CAMKMT: variants seen among roughly 807,000 people sequenced by gnomAD.
CAMKMT encodes CaM KMT.
A neutral mutation model predicts 48.0 loss-of-function variants in CAMKMT; 53 were observed. That is an observed-to-expected ratio of 1.10 (90% confidence interval 0.89 to 1.39). CAMKMT has a LOEUF of 1.39. CAMKMT is among the 40% of genes most tolerant of loss of function. The pLI is 0.00. For synonymous variants in CAMKMT, 165 were observed against 152.3 expected (o/e 1.08, Z -0.61); for missense variants, 428 against 402.7 (o/e 1.06, Z -0.54).
chr2:44,494,575 A>G (rs556615058), intron 3 of CAMKMT, among the ~76,000 whole-genome samples: 162 of 152,338 alleles, frequency 1.1e-3, no homozygotes, highest in Non-Finnish European at 1.8e-3. Flanking sequence ...CAGTGCTAAC[A>G]TGCAATTCAA....
At chr2:44,505,609 G>C (rs547303794) in intron 3 of CAMKMT, among the ~76,000 whole-genome samples, 11 of 152,120 alleles carry the variant, frequency 7.2e-5, no homozygotes, top group African/African-American at 2.7e-4. Flanking sequence ...CTGATGTCCA[G>C]TTGCTCTATT....
intron 3 of CAMKMT, among the ~76,000 whole-genome samples, chr2:44,428,339 G>A (rs1031709881): frequency 3.3e-5 from 5 of 152,202 alleles, no homozygotes; most frequent in African/African-American, 1.2e-4. Flanking sequence ...CTGATGTTCA[G>A]CTGCCTCTTC....
chr2:44,378,935 G>C (rs895497061), intron 2 of CAMKMT, among the ~76,000 whole-genome samples: 2 of 152,106 alleles, frequency 1.3e-5, no homozygotes, highest in African/African-American at 4.8e-5. Flanking sequence ...AACAAAATTT[G>C]CTATTTTAAT....
intron 3 of CAMKMT, among the ~76,000 whole-genome samples, chr2:44,682,320 C>G (rs1249352459): frequency 2.0e-5 from 3 of 152,190 alleles, no homozygotes; most frequent in Non-Finnish European, 2.9e-5. Context: ...TGTATCTACT[C>G]CATTTACTCT....
At chr2:44,435,336 C>T (rs13414205) in intron 3 of CAMKMT, among the ~76,000 whole-genome samples, 4,765 of 151,898 alleles carry the variant, frequency 0.031, 244 homozygotes, top group African/African-American at 0.11. Flanking sequence ...TTGTTGGGCA[C>T]GCATCCAAAA....
At chr2:44,569,867 G>A (rs1253574180) in intron 3 of CAMKMT, among the ~76,000 whole-genome samples, 7 of 152,182 alleles carry the variant, frequency 4.6e-5, no homozygotes, top group African/African-American at 1.7e-4. Flanking sequence ...TATAGCAACC[G>A]GCAGATTTTA....
At chr2:44,395,972 TAA>T (rs1343264599) in intron 3 of CAMKMT, among the ~76,000 whole-genome samples, 1 of 152,104 alleles carries the variant, frequency 6.6e-6, no homozygotes, top group East Asian at 1.9e-4. Flanking sequence ...CACAAAGACC[TAA>T]ATATATGTGA....
intron 3 of CAMKMT, among the ~76,000 whole-genome samples, chr2:44,521,241 T>C (rs1455266149): frequency 6.6e-6 from 1 of 152,190 alleles, no homozygotes; most frequent in African/African-American, 2.4e-5. Flanking sequence ...AATTTATCTC[T>C]TTTATTTTGA....
At chr2:44,627,871 T>C (rs1261942475) in intron 3 of CAMKMT, among the ~76,000 whole-genome samples, 1 of 151,886 alleles carries the variant, frequency 6.6e-6, no homozygotes, top group Non-Finnish European at 1.5e-5. Flanking sequence ...GGCTAATTTT[T>C]GTATTTTTAG....
chr2:44,669,015 T>C (rs1000641861), intron 3 of CAMKMT, among the ~76,000 whole-genome samples: 2 of 152,198 alleles, frequency 1.3e-5, no homozygotes, highest in Admixed American at 1.3e-4. Context: ...ACTCCAGAGC[T>C]CAGGCAATCC....
At chr2:44,612,130 C>G (rs1490672846) in intron 3 of CAMKMT, among the ~76,000 whole-genome samples, 1 of 152,082 alleles carries the variant, frequency 6.6e-6, no homozygotes, top group Non-Finnish European at 1.5e-5. Context: ...AAGCCTTTTA[C>G]TTAACTTTTA....
intron 3 of CAMKMT, among the ~76,000 whole-genome samples, chr2:44,635,330 C>T (rs937928289): frequency 1.6e-4 from 25 of 152,162 alleles, no homozygotes; most frequent in African/African-American, 5.5e-4. Context: ...AAGCTACTGG[C>T]CTCCAAAGTT....
intron 2 of CAMKMT, among the ~76,000 whole-genome samples, chr2:44,380,637 G>T (rs1451721114): frequency 6.6e-6 from 1 of 152,164 alleles, no homozygotes; most frequent in Non-Finnish European, 1.5e-5. Context: ...ATACTATATT[G>T]ATAGCAGTTT....
intron 3 of CAMKMT, among the ~76,000 whole-genome samples, chr2:44,561,980 A>G (rs1303469599): frequency 6.6e-6 from 1 of 152,190 alleles, no homozygotes; most frequent in East Asian, 1.9e-4. Flanking sequence ...CTCCATTCCA[A>G]GTGATGGTGA....
intron 3 of CAMKMT, among the ~76,000 whole-genome samples, chr2:44,447,871 A>AAACTGAAC (rs1176684197): frequency 9.2e-5 from 14 of 152,344 alleles, no homozygotes; most frequent in Non-Finnish European, 7.4e-5. Flanking sequence ...ATGGCATACT[A>AAACTGAAC]TCATCATTGG....
chr2:44,732,524 A>C lies in CAMKMT; in HGVS notation c.624-11098A>C, dbSNP rs148344194. Among the ~76,000 whole-genome samples, 74 of 152,318 alleles carry C rather than the reference A, an allele frequency of 4.9e-4. No homozygotes were observed. In the East Asian group the frequency reaches 0.014, roughly 29 times the overall value. On this transcript the variant is annotated intron_variant, in intron 7 of 10. Transcript: ENST00000378494. Reference sequence around the variant, plus strand: ...TTAGATGGTAAAACTTATATAGGTAAGGGTCCTACTTGTATGCGCCTTGCT... The same window carrying C: ...TTAGATGGTAAAACTTATATAGGTACGGGTCCTACTTGTATGCGCCTTGCT...
intron 3 of CAMKMT, among the ~76,000 whole-genome samples, chr2:44,461,349 C>T (rs550960357): frequency 1.3e-5 from 2 of 152,104 alleles, no homozygotes; most frequent in African/African-American, 4.8e-5. Flanking sequence ...TAAAAAAAAC[C>T]TCTAAAGAAG....
chr2:44,365,764 A>G (rs1678526098), intron 1 of CAMKMT, among the ~76,000 whole-genome samples: 1 of 152,212 alleles, frequency 6.6e-6, no homozygotes, highest in South Asian at 2.1e-4. Context: ...AAAAGGAGGC[A>G]ATGTAGGGCA....
At chr2:44,699,386 A>G (rs900454272) in intron 3 of CAMKMT, among the ~76,000 whole-genome samples, 8 of 152,230 alleles carry the variant, frequency 5.3e-5, no homozygotes, top group South Asian at 2.1e-4. Context: ...ATCTCCTTGC[A>G]TATCTCCATC....
Sources: allele counts gnomAD v4.1 joint callset (sites outside exome capture counted in the v4.1 genomes callset), GRCh38; gene constraint gnomAD v4.1.1; transcripts MANE v1.5; gene names NCBI Gene and HGNC (gene_info 2026-07-23, HGNC 2026-07-21).